HTT: variants seen among roughly 807,000 people sequenced by gnomAD.
HTT encodes huntingtin, also known as huntington disease protein.
HTT carries 104 observed loss-of-function variants against 362.3 expected under a neutral mutation model. That is an observed-to-expected ratio of 0.29 (90% CI 0.24 to 0.34). The LOEUF is 0.34. Ranked by LOEUF, HTT falls within the 10% of genes least tolerant of loss-of-function variation. HTT has a pLI of 1.00. For missense variants in HTT, 3,301 were observed against 3,928.6 expected (o/e 0.84, Z 4.27); for synonymous variants, 1,577 against 1,548.7 (o/e 1.02, Z -0.43).
intron 36 of HTT, 30 bp from the exon 37 acceptor site, chr4:3,182,324 C>T (rs539835205): frequency 2.8e-6 from 4 of 1,444,528 alleles, no homozygotes; most frequent in Middle Eastern, 1.7e-4. Flanking sequence ...CTCTTGGCAG[C>T]AGACTTTCTA....
At chr4:3,230,149 G>A in intron 60 of HTT, 107 bp downstream of exon 60, 2 of 914,402 alleles carry the variant, frequency 2.2e-6, no homozygotes, top group Non-Finnish European at 3.5e-6. Flanking sequence ...CTCCTTCCAA[G>A]AGTTGACCCG....
rs201878423 is a variant in HTT, at chr4:3,199,805, C to G, written c.5442C>G (p.Thr1814=). The change falls in exon 41 of 67, where the codon ACC becomes ACG. Residue 1814 remains threonine (T), a synonymous_variant. Coordinates refer to ENST00000355072, the MANE Select transcript of HTT (RefSeq NM_001388492.1). ...RSDGCGGSFY[T]LDSLNLRARS... Reference sequence around the variant, plus strand: ...ATGGCTGTGGCGGCAGTTTCTACACCCTGGACAGCTTGAACTTGCGGGCTC... The same window carrying G: ...ATGGCTGTGGCGGCAGTTTCTACACGCTGGACAGCTTGAACTTGCGGGCTC... The G allele has an allele frequency of 1.2e-6, 2 of 1,614,178 alleles. No homozygotes were observed. The highest frequency in any genetic ancestry group is 1.3e-5 in the African/African-American group (1 of 75,036).
At chr4:3,142,119 G>A (rs1331744350) in intron 22 of HTT, among the ~76,000 whole-genome samples, 2 of 152,200 alleles carry the variant, frequency 1.3e-5, no homozygotes, top group African/African-American at 4.8e-5. Flanking sequence ...GGTCAATTGG[G>A]TCTTGCGTGA....
At chr4:3,133,543 A>AAAAAAAT (rs1224597622) in intron 18 of HTT, among the ~76,000 whole-genome samples, 2 of 142,240 alleles carry the variant, frequency 1.4e-5, no homozygotes, top group African/African-American at 2.6e-5. Context: ...AAAAAAAAAA[A>AAAAAAAT]CCACTGTGCT....
At chr4:3,194,100 A>C (rs1284151371) in intron 40 of HTT, among the ~76,000 whole-genome samples, 1 of 152,198 alleles carries the variant, frequency 6.6e-6, no homozygotes, top group African/African-American at 2.4e-5. Flanking sequence ...TAGCATGTAA[A>C]ATTGGTAATA....
intron 29 of HTT, among the ~76,000 whole-genome samples, chr4:3,172,107 A>G (rs6446725): frequency 0.17 from 26,409 of 152,192 alleles, 3,368 homozygotes; most frequent in African/African-American, 0.36. Flanking sequence ...CAGATACATA[A>G]ATGCATGAAA....
In HTT at chr4:3,116,191, A is replaced by C; in HGVS notation, c.996A>C (p.Thr332=). The C allele has an allele frequency of 6.2e-7, 1 of 1,614,144 alleles. No homozygotes were observed. Among genetic ancestry groups the C allele is most frequent in the Non-Finnish European group, 8.5e-7 (1 of 1,179,968 alleles). ...VPLLQQQVKD[T]SLKGSFGVTR... Reference sequence around the variant, plus strand: ...TGCTGCAGCAGCAGGTCAAGGACACAAGCCTGAAAGGCAGCTTCGGAGTGA... The same window carrying C: ...TGCTGCAGCAGCAGGTCAAGGACACCAGCCTGAAAGGCAGCTTCGGAGTGA... The change falls in exon 8 of 67, where the codon ACA becomes ACC. Residue 332 remains threonine, a synonymous_variant. Transcript: ENST00000355072.
intron 12 of HTT, chr4:3,129,642 A>G (rs977783040): frequency 3.5e-5 from 10 of 282,538 alleles, no homozygotes; most frequent in Middle Eastern, 1.1e-3. Flanking sequence ...ATATTTTTGT[A>G]TGGGTTTTTT....
At chr4:3,124,689 G>A (rs1010877164) in intron 10 of HTT, among the ~76,000 whole-genome samples, 1 of 152,138 alleles carries the variant, frequency 6.6e-6, no homozygotes, top group Non-Finnish European at 1.5e-5. Flanking sequence ...AACTTATTTT[G>A]TAATAAAGTT....
At chr4:3,114,158 T>TAAAAGAAG (rs1296134645) in intron 6 of HTT, among the ~76,000 whole-genome samples, 3 of 152,252 alleles carry the variant, frequency 2.0e-5, no homozygotes, top group Non-Finnish European at 4.4e-5. Flanking sequence ...TTGGGCTAGT[T>TAAAAGAAG]AACCGCAGCA....
At chr4:3,127,697 C>A in intron 12 of HTT, 93 bp downstream of exon 12, 1 of 902,202 alleles carries the variant, frequency 1.1e-6, no homozygotes. Context: ...GGCACAGGGG[C>A]TCATGCCTGT....
At chr4:3,155,220 TTTTA>T (rs1399584963) in intron 27 of HTT, among the ~76,000 whole-genome samples, 14 of 151,918 alleles carry the variant, frequency 9.2e-5, no homozygotes, top group African/African-American at 2.7e-4. Flanking sequence ...TATTTATTTA[TTTTA>T]TTTATTTATT....
At chr4:3,100,159 C>G (rs940883057) in intron 3 of HTT, among the ~76,000 whole-genome samples, 5 of 152,208 alleles carry the variant, frequency 3.3e-5, no homozygotes, top group African/African-American at 1.2e-4. Context: ...TTCTATGAGT[C>G]TCAGTTTTCT....
chr4:3,163,280 T>C (rs1717532338), intron 29 of HTT, among the ~76,000 whole-genome samples: 1 of 152,204 alleles, frequency 6.6e-6, no homozygotes, highest in Non-Finnish European at 1.5e-5. Context: ...TGAAGCTGAC[T>C]TGATTGTGGT....
At chr4:3,233,716 G>A (rs1318722187) in intron 61 of HTT, among the ~76,000 whole-genome samples, 1 of 152,198 alleles carries the variant, frequency 6.6e-6, no homozygotes, top group Non-Finnish European at 1.5e-5. Context: ...TCCCCGCCCT[G>A]GCCCAGTACC....
chr4:3,084,780 G>A (rs1713112558), intron 1 of HTT, among the ~76,000 whole-genome samples: 2 of 151,846 alleles, frequency 1.3e-5, no homozygotes, highest in East Asian at 1.9e-4. Flanking sequence ...TTGGGAGGCC[G>A]AGATGGGCAG....
rs118081768 is a variant in HTT, at chr4:3,153,156, G to A, written c.3499-1137G>A. Among the ~76,000 whole-genome samples, 78 of 152,132 alleles carry A rather than the reference G, an allele frequency of 5.1e-4. 2 individuals carry two copies. The East Asian group carries it at 0.013, about 26-fold the overall frequency. ...GGGAAGTCCAAGATCCAGGACTTTC[G>A]CCTTGCCCTCATGTGGTGAGGGGGT... On this transcript the variant is annotated intron_variant, in intron 26 of 66. Transcript: ENST00000355072.
chr4:3,181,585 TC>T (rs908340430), intron 36 of HTT, among the ~76,000 whole-genome samples: 2 of 152,194 alleles, frequency 1.3e-5, no homozygotes, highest in Admixed American at 1.3e-4. Flanking sequence ...TAGCTGTTTG[TC>T]TTTGAATCTT....
chr4:3,102,334 G>T (rs1167785032), intron 3 of HTT, among the ~76,000 whole-genome samples: 1 of 152,212 alleles, frequency 6.6e-6, no homozygotes, highest in Non-Finnish European at 1.5e-5. Context: ...CTTAGGAGGG[G>T]CTGAGTTTTA....
Sources: gnomAD v4.1 joint callset for allele counts (sites outside exome capture counted in the v4.1 genomes callset) on GRCh38, gnomAD v4.1.1 for gene constraint, MANE v1.5 for transcripts, NCBI Gene and HGNC (gene_info 2026-07-23, HGNC 2026-07-21) for gene names.